Variants in WWTR1 observed in about 807,000 individuals in gnomAD.
WWTR1 encodes the protein WW domain containing transcription regulator 1.
In WWTR1, 13 loss-of-function variants were observed where a neutral mutation model predicts 40.1. The observed-to-expected ratio is 0.32, with a 90% CI of 0.21 to 0.52. The LOEUF (loss-of-function observed/expected upper bound fraction) is 0.52, where lower values mean the gene tolerates loss of function less well. Among genes scored for constraint, WWTR1 ranks in the 20% least tolerant of loss-of-function variants. The pLI, the probability that WWTR1 is intolerant of heterozygous loss-of-function variation, is 0.97. For synonymous variants in WWTR1, 230 were observed against 210.1 expected, an observed-to-expected ratio of 1.09 and a Z score of -0.82; for missense variants, 436 against 523.1, an observed-to-expected ratio of 0.83 and a Z score of 1.63.
intron 3 of WWTR1, among the ~76,000 whole-genome samples, chr3:149,563,245 C>T (rs1321298756): frequency 1.3e-5 from 2 of 152,004 alleles, no homozygotes; most frequent in African/African-American, 2.4e-5. Flanking sequence ...AAAAAGAAAA[C>T]AAGTTTGACC....
At chr3:149,580,915 A>G (rs895632565) in intron 2 of WWTR1, among the ~76,000 whole-genome samples, 1 of 152,194 alleles carries the variant, frequency 6.6e-6, no homozygotes, top group Admixed American at 6.5e-5. Flanking sequence ...CCTGGCGACA[A>G]TATTAAGATT....
At chr3:149,579,516 C>A (rs1738045291) in intron 2 of WWTR1, among the ~76,000 whole-genome samples, 1 of 114,876 alleles carries the variant, frequency 8.7e-6, no homozygotes, top group African/African-American at 3.8e-5. Context: ...AAGAAATGTT[C>A]CACAGATAAT....
chr3:149,703,784 T>G (rs1715264024), upstream of WWTR1, among the ~76,000 whole-genome samples: 1 of 152,164 alleles, frequency 6.6e-6, no homozygotes, highest in Non-Finnish European at 1.5e-5. Flanking sequence ...CCTCACTGTC[T>G]CTTTTGCTCC....
At chr3:149,521,634 C>T (rs1418801187) in intron 6 of WWTR1, among the ~76,000 whole-genome samples, 1 of 152,160 alleles carries the variant, frequency 6.6e-6, no homozygotes, top group Admixed American at 6.5e-5. Flanking sequence ...CATTTAATCA[C>T]CTAAACCTAT....
At chr3:149,574,912 T>C (rs1418236222) in intron 2 of WWTR1, among the ~76,000 whole-genome samples, 2 of 151,514 alleles carry the variant, frequency 1.3e-5, no homozygotes, top group East Asian at 1.9e-4. Flanking sequence ...CTGGCCAACA[T>C]GGTGAAACCC....
intron 1 of WWTR1, among the ~76,000 whole-genome samples, chr3:149,699,150 C>T (rs1273335053): frequency 6.6e-6 from 1 of 152,250 alleles, no homozygotes; most frequent in African/African-American, 2.4e-5. Flanking sequence ...TTACAGTCTG[C>T]TTCCCTTTTA....
rs146153194 is a variant in WWTR1 at position 149,523,937 on chromosome 3, C to T, written c.1018+2076G>A. Among the ~76,000 whole-genome samples the T allele has an allele frequency of 1.6e-4, 25 of 152,372 alleles. No individual in the cohort carries two copies. The East Asian group carries it at 4.6e-3, about 28-fold the overall frequency. ...GGTTAACTTGGCACTCACATTCCCA[C>T]ACTCAATGAGCTGATTCTCACTTAA... On this transcript the variant is annotated intron_variant, in intron 6 of 6. Transcript: ENST00000360632.
intron 3 of WWTR1, among the ~76,000 whole-genome samples, chr3:149,559,443 A>G (rs1736994538): frequency 6.6e-6 from 1 of 152,124 alleles, no homozygotes; most frequent in Non-Finnish European, 1.5e-5. Flanking sequence ...ATAGATAGAT[A>G]GATGGATAGA....
chr3:149,535,054 AG>A (rs1735760282), intron 4 of WWTR1, among the ~76,000 whole-genome samples: 1 of 152,140 alleles, frequency 6.6e-6, no homozygotes, highest in Non-Finnish European at 1.5e-5. Flanking sequence ...GCCTTGGCTG[AG>A]GGAACACTCT....
At chr3:149,640,010 A>AAG (rs1553802830) in intron 2 of WWTR1, among the ~76,000 whole-genome samples, 9 of 140,412 alleles carry the variant, frequency 6.4e-5, no homozygotes, top group South Asian at 2.1e-4. Flanking sequence ...AAAAAAAAAA[A>AAG]AAAGAAAGAA....
At chr3:149,548,279 CAG>C (rs1560054899) in intron 3 of WWTR1, among the ~76,000 whole-genome samples, 1 of 152,180 alleles carries the variant, frequency 6.6e-6, no homozygotes, top group Non-Finnish European at 1.5e-5. Flanking sequence ...CACCAGGAAA[CAG>C]AGAGCCACAG....
chr3:149,550,073 A>T (rs962109733), intron 3 of WWTR1, among the ~76,000 whole-genome samples: 1 of 152,188 alleles, frequency 6.6e-6, no homozygotes, highest in Admixed American at 6.6e-5. Flanking sequence ...CTCAATTTTA[A>T]TATAAAACTA....
At chr3:149,681,546 A>T (rs904920093) in intron 1 of WWTR1, among the ~76,000 whole-genome samples, 2 of 152,030 alleles carry the variant, frequency 1.3e-5, no homozygotes, top group Admixed American at 6.6e-5. Context: ...TTTGCTGTTG[A>T]GTTGTGGGAG....
chr3:149,555,510 T>C (rs1020959136), intron 3 of WWTR1, among the ~76,000 whole-genome samples: 6 of 149,880 alleles, frequency 4.0e-5, no homozygotes, highest in African/African-American at 1.2e-4. Flanking sequence ...GAAAGAAGAA[T>C]GTAACCAGGG....
At chr3:149,644,317 G>A (rs1045655060) in intron 2 of WWTR1, among the ~76,000 whole-genome samples, 2 of 152,122 alleles carry the variant, frequency 1.3e-5, no homozygotes, top group African/African-American at 2.4e-5. Flanking sequence ...CAACTTTTCA[G>A]CAATTAAATC....
chr3:149,548,095 C>G (rs1283523280), intron 3 of WWTR1, among the ~76,000 whole-genome samples: 1 of 151,996 alleles, frequency 6.6e-6, no homozygotes, highest in African/African-American at 2.4e-5. Flanking sequence ...ACATGACCCT[C>G]TGGTTAGTGC....
intron 2 of WWTR1, among the ~76,000 whole-genome samples, chr3:149,595,270 C>A (rs1189420042): frequency 6.6e-6 from 1 of 151,958 alleles, no homozygotes; most frequent in Non-Finnish European, 1.5e-5. Context: ...TTGCCTATAA[C>A]TTCTTTTGGA....
chr3:149,620,165 A>C (rs917492123), intron 2 of WWTR1, among the ~76,000 whole-genome samples: 74 of 152,304 alleles, frequency 4.9e-4, no homozygotes, highest in African/African-American at 1.7e-3. Context: ...CATTCTGACT[A>C]CAGAATCCAT....
intron 2 of WWTR1, among the ~76,000 whole-genome samples, chr3:149,601,441 A>T (rs1576589619): frequency 6.6e-6 from 1 of 152,126 alleles, no homozygotes; most frequent in African/African-American, 2.4e-5. Context: ...CAAGTGATCC[A>T]CCTGCCTCAG....
Sources: allele counts gnomAD v4.1 joint callset (sites outside exome capture counted in the v4.1 genomes callset), GRCh38; gene constraint gnomAD v4.1.1; transcripts MANE v1.5; gene names NCBI Gene and HGNC (gene_info 2026-07-23, HGNC 2026-07-21).